CCDC187: variants seen among roughly 807,000 people sequenced by gnomAD.
CCDC187 encodes the protein coiled-coil domain-containing protein 187.
CCDC187 carries 32 observed loss-of-function variants against 38.0 expected under a neutral mutation model. The observed-to-expected ratio is 0.84, with a 90% CI of 0.64 to 1.13. CCDC187 has a LOEUF of 1.13. Ranked by LOEUF, CCDC187 falls within the 50% of genes most tolerant of loss-of-function variation. CCDC187 has a pLI of 0.00. For synonymous variants in CCDC187, 333 were observed against 347.9 expected (o/e 0.96, Z 0.48); for missense variants, 707 against 786.8 (o/e 0.90, Z 1.21).
chr9:136,283,260 CAA>C (rs1831089448), intron 9 of CCDC187, among the ~76,000 whole-genome samples: 1 of 152,096 alleles, frequency 6.6e-6, no homozygotes, highest in Non-Finnish European at 1.5e-5. Flanking sequence ...AAAATAAAAA[CAA>C]AACAAAACAA....
intron 14 of CCDC187, among the ~76,000 whole-genome samples, chr9:136,272,210 T>A (rs748446432): frequency 5.3e-5 from 8 of 152,178 alleles, no homozygotes; most frequent in Non-Finnish European, 8.8e-5. Context: ...GTTAGAAATC[T>A]ACATCTACCG....
chr9:136,288,452 C>G (rs1465044012), intron 7 of CCDC187, among the ~76,000 whole-genome samples: 3 of 152,132 alleles, frequency 2.0e-5, no homozygotes, highest in Non-Finnish European at 2.9e-5. Context: ...GTGGGACGCT[C>G]TGGTGGGTGG....
Position 136,250,409 on chromosome 9 carries a change from G to A in CCDC187, c.*3185C>T, listed in dbSNP as rs1830521065. ...GTCAGCACCAACCACGTGGCAGCGA[G>A]CCTGGGAGCCATCAGATTCGCTGCA... On this transcript the variant is annotated 3_prime_UTR_variant, in exon 26 of 26. Transcript: ENST00000638797. The A allele has an allele frequency of 3.4e-6, 1 of 292,964 alleles. No homozygotes were observed. The highest frequency in any genetic ancestry group is 3.0e-5 in the South Asian group (1 of 32,912). The allele number at this position is 292,964 out of a possible 1,614,324, so 18.1% of individuals were successfully genotyped here.
intron 9 of CCDC187, 69 bp from the exon 10 acceptor site, chr9:136,281,732 G>A (rs1681131670): frequency 5.0e-6 from 2 of 398,298 alleles, no homozygotes; most frequent in Admixed American, 4.4e-5. Flanking sequence ...GGAGATCCGG[G>A]GGACAGCCCC....
intron 7 of CCDC187, among the ~76,000 whole-genome samples, chr9:136,289,574 A>G (rs1588667609): frequency 6.7e-6 from 1 of 149,452 alleles, no homozygotes; most frequent in Admixed American, 6.7e-5. Context: ...CAGAAAGGAG[A>G]CCCCCATGGC....
chr9:136,262,984 G>A (rs1004287559), intron 18 of CCDC187, among the ~76,000 whole-genome samples: 1 of 152,170 alleles, frequency 6.6e-6, no homozygotes, highest in South Asian at 2.1e-4. Flanking sequence ...GCTGCTTGGG[G>A]TCCCTGAGGG....
At chr9:136,287,801 G>C (rs1181903219) in intron 7 of CCDC187, among the ~76,000 whole-genome samples, 4 of 152,210 alleles carry the variant, frequency 2.6e-5, no homozygotes, top group African/African-American at 9.7e-5. Flanking sequence ...GCTGCCAAGG[G>C]CTGGGGAGGA....
Position 136,276,295 on chromosome 9 carries a change from G to A in CCDC187, c.3124C>T (p.Gln1042Ter), listed in dbSNP as rs1416122496. ...SSFLDSLKLD[Q>*]QKQALALLRQ... The stretch of plus-strand genomic sequence containing the variant: ...AGGAGGGCCAACGCCTGCTTCTGCT[G>A]GTCCAGCTGCAGGGAGAGCCCACAG... The change falls in exon 12 of 26, where the codon CAG (glutamine) becomes TAG (stop). Residue 1042 changes from glutamine to a stop codon, truncating the protein, a stop_gained. Coordinates refer to ENST00000638797, the MANE Select transcript of CCDC187 (RefSeq NM_001378188.1). LOFTEE classifies it high-confidence loss of function. 3 of 152,338 alleles carry A rather than the reference G, an allele frequency of 2.0e-5. No individual in the cohort carries two copies. The highest frequency in any genetic ancestry group is 7.2e-5 in the African/African-American group (3 of 41,562). 9.4% of individuals were successfully genotyped at this position (152,338 alleles called of 1,614,324 possible). A position where few individuals can be genotyped will look rare whatever the true frequency, so the allele number is the denominator to read the frequency against.
Position 136,258,973 on chromosome 9 carries a change from G to A in CCDC187, c.4325C>T (p.Thr1442Ile), listed in dbSNP as rs1830648483. The A allele has an allele frequency of 2.0e-6, 2 of 985,884 alleles. No homozygotes were observed. Among genetic ancestry groups the A allele is most frequent in the Non-Finnish European group, 2.4e-6 (2 of 830,294 alleles). The allele number at this position is 985,884 out of a possible 1,614,324, so 61.1% of individuals were successfully genotyped here. Residue 1442 changes from threonine (T) to isoleucine (I), a missense_variant, in exon 22 of 26, where the codon ACA becomes ATA. Physicochemically the swap from Thr to Ile is moderately conservative, Grantham distance 89. Transcript: ENST00000638797. This position sits in a 1 kb window ranked among gnomAD's most constrained non-coding sequence, Gnocchi z 4.3. Reference sequence around the variant, plus strand: ...CACCTCCCGAGACCTGCACTGAGCTGTGGGGAGGCGCCCCTCCGCCTCCTC... The same window carrying A: ...CACCTCCCGAGACCTGCACTGAGCTATGGGGAGGCGCCCCTCCGCCTCCTC... ...PAEEAEGRLPTAQCRSREVKE... is the reference protein window; with the variant it reads ...PAEEAEGRLPIAQCRSREVKE...
intron 17 of CCDC187, chr9:136,265,509 C>G (rs1408737500): frequency 1.3e-5 from 2 of 152,342 alleles, no homozygotes; most frequent in African/African-American, 4.8e-5. Context: ...TGAGGGCGTA[C>G]ATGGCACACG....
At chr9:136,293,400 CACAAACA>C (rs1831414896) in intron 4 of CCDC187, among the ~76,000 whole-genome samples, 1 of 72,058 alleles carries the variant, frequency 1.4e-5, no homozygotes. Flanking sequence ...CTCACACACT[CACAAACA>C]CTCACATGCT....
At chr9:136,261,094 C>T (rs1284425323) in intron 19 of CCDC187, among the ~76,000 whole-genome samples, 8 of 152,056 alleles carry the variant, frequency 5.3e-5, no homozygotes, top group African/African-American at 1.4e-4. Flanking sequence ...CTCCTCGGCA[C>T]GCGGCGTCTC....
intron 9 of CCDC187, among the ~76,000 whole-genome samples, chr9:136,281,995 G>C (rs1392835739): frequency 1.3e-5 from 2 of 152,170 alleles, no homozygotes; most frequent in Non-Finnish European, 2.9e-5. Flanking sequence ...CTGGCTGCTC[G>C]GAGCTCTGCA....
chr9:136,257,510 A>G lies in CCDC187; in HGVS notation c.4367-669T>C, dbSNP rs1830628703. ...CACTGGTGTGAGGCAGGGGTGGTGC[A>G]GAGGGCCGGTGGGGGGCAGGCCTCG... On this transcript the variant is annotated intron_variant, in intron 22 of 25. Transcript: ENST00000638797. The surrounding 1 kb of genome is among the most constrained non-coding windows in gnomAD (Gnocchi z 4.5). 6.6e-6 allele frequency among the ~76,000 whole-genome samples: 1 copy of G among 152,054 alleles called. No homozygotes were observed. The highest frequency in any genetic ancestry group is 1.5e-5 in the Non-Finnish European group (1 of 68,006).
chr9:136,305,794 A>G (rs1831793624), upstream of CCDC187, among the ~76,000 whole-genome samples: 1 of 152,242 alleles, frequency 6.6e-6, no homozygotes. Flanking sequence ...CGAGCAGAGC[A>G]TCGCGAGGTC....
intron 6 of CCDC187, 105 bp downstream of exon 6, chr9:136,290,381 C>A (rs1045829193): frequency 1.8e-5 from 7 of 397,644 alleles, no homozygotes; most frequent in Admixed American, 8.8e-5. Context: ...AGCCCTCGCC[C>A]GGCCACTCCC....
chr9:136,253,469 C>T lies in CCDC187; in HGVS notation c.*125G>A, dbSNP rs1830573776. The T allele has an allele frequency of 2.2e-5, 9 of 401,702 alleles. No homozygotes were observed. The highest frequency in any genetic ancestry group is 3.0e-5 in the Non-Finnish European group (9 of 296,314). 24.9% of individuals were successfully genotyped at this position (401,702 alleles called of 1,614,324 possible). A position where few individuals can be genotyped will look rare whatever the true frequency, so the allele number is the denominator to read the frequency against. ...GCCTGACCCCTCACACGACGAGTGC[C>T]CTGGCCAGCTGACAGGTTCAGGCCA... On this transcript the variant is annotated 3_prime_UTR_variant, in exon 26 of 26. Coordinates refer to ENST00000638797, the MANE Select transcript of CCDC187 (RefSeq NM_001378188.1).
At chr9:136,288,641 C>T (rs1831238095) in intron 7 of CCDC187, among the ~76,000 whole-genome samples, 1 of 152,192 alleles carries the variant, frequency 6.6e-6, no homozygotes, top group Non-Finnish European at 1.5e-5. Context: ...AGGCTGGAAA[C>T]TGTAGTGAGA....
At chr9:136,302,764 G>T (rs1054153338) in intron 2 of CCDC187, 48 bp downstream of exon 2, 2 of 398,918 alleles carry the variant, frequency 5.0e-6, no homozygotes, top group South Asian at 1.3e-4. Context: ...CCACCCTCCC[G>T]ACAGCCTCGC....
Sources: allele counts gnomAD v4.1 joint callset (sites outside exome capture counted in the v4.1 genomes callset), GRCh38; gene constraint gnomAD v4.1.1; non-coding constraint Gnocchi (gnomAD v3.1); transcripts MANE v1.5; gene names NCBI Gene and HGNC (gene_info 2026-07-23, HGNC 2026-07-21).